Variants in ZNF469 observed in about 807,000 individuals in gnomAD.
ZNF469 encodes the protein zinc finger protein 469.
ZNF469 carries 1 observed loss-of-function variant against 1.0 expected under a neutral mutation model. The ratio of observed to expected loss-of-function variants is 1.00; its 90% CI spans 0.35 to 4.73. The LOEUF is 4.73. Among genes scored for constraint, ZNF469 ranks in the 30% most tolerant of loss-of-function variants. The pLI, the probability that ZNF469 is intolerant of heterozygous loss-of-function variation, is 0.16. For missense variants in ZNF469, 6,100 were observed against 5,356.3 expected (o/e 1.14, Z -4.33); for synonymous variants, 2,703 against 2,363.4 (o/e 1.14, Z -4.17).
intron 1 of ZNF469, among the ~76,000 whole-genome samples, chr16:88,421,221 C>G (rs1450708034): frequency 6.6e-6 from 1 of 152,186 alleles, no homozygotes; most frequent in African/African-American, 2.4e-5. Flanking sequence ...CCCCCACACC[C>G]CCAGCCAGAG....
chr16:88,124,564 A>G, the ZNF469 span, among the ~76,000 whole-genome samples: 2 of 143,558 alleles, frequency 1.4e-5, no homozygotes, highest in African/African-American at 2.6e-5. Context: ...TTGGAATAAT[A>G]GAAGTGTTTT....
chr16:88,159,699 C>T, the ZNF469 span, among the ~76,000 whole-genome samples: 1 of 152,272 alleles, frequency 6.6e-6, no homozygotes, highest in South Asian at 2.1e-4. Flanking sequence ...ACTTTCCTAT[C>T]ATTTAAAATT....
At chr16:88,126,137 C>T in the ZNF469 span, among the ~76,000 whole-genome samples, 2 of 138,234 alleles carry the variant, frequency 1.4e-5, no homozygotes, top group Admixed American at 8.3e-5. Context: ...TGCAGTGAGC[C>T]GAGATTGCAC....
the ZNF469 span, among the ~76,000 whole-genome samples, chr16:88,152,686 T>A: frequency 6.6e-6 from 1 of 152,172 alleles, no homozygotes; most frequent in Non-Finnish European, 1.5e-5. This position sits in a 1 kb window ranked among gnomAD's most constrained non-coding sequence, Gnocchi z 4.2. Context: ...TTTTTTTTAA[T>A]GTAAGAATTA....
At chr16:88,198,942 C>T in the ZNF469 span, among the ~76,000 whole-genome samples, 1 of 152,214 alleles carries the variant, frequency 6.6e-6, no homozygotes, top group South Asian at 2.1e-4. Context: ...TCCAGGGCGG[C>T]TGCTTGACAA....
intron 1 of ZNF469, among the ~76,000 whole-genome samples, chr16:88,403,350 T>G (rs975618455): frequency 2.0e-5 from 3 of 152,230 alleles, no homozygotes; most frequent in African/African-American, 7.2e-5. Flanking sequence ...CTGCGTGGGT[T>G]TGGTGGCTCT....
chr16:88,119,216 G>A, the ZNF469 span, among the ~76,000 whole-genome samples: 16 of 152,266 alleles, frequency 1.1e-4, no homozygotes, highest in Non-Finnish European at 1.6e-4. Flanking sequence ...CAGCCGAGGC[G>A]GTCTCACGGT....
the ZNF469 span, among the ~76,000 whole-genome samples, chr16:88,236,167 G>A: frequency 6.6e-6 from 1 of 152,218 alleles, no homozygotes; most frequent in South Asian, 2.1e-4. Context: ...TTTGAAATGT[G>A]CTAGATGCTA....
chr16:88,113,598 T>C, the ZNF469 span, among the ~76,000 whole-genome samples: 2 of 152,170 alleles, frequency 1.3e-5, no homozygotes, highest in East Asian at 1.9e-4. Context: ...GCCATGCTTT[T>C]TGGGTCTCAG....
chr16:88,198,910 C>T, the ZNF469 span, among the ~76,000 whole-genome samples: 2 of 152,214 alleles, frequency 1.3e-5, no homozygotes, highest in Non-Finnish European at 2.9e-5. Flanking sequence ...GCAAGCCACC[C>T]GAGGCGAGGG....
At chr16:88,152,590 C>T in the ZNF469 span, among the ~76,000 whole-genome samples, 1 of 152,188 alleles carries the variant, frequency 6.6e-6, no homozygotes, top group Non-Finnish European at 1.5e-5. This position sits in a 1 kb window ranked among gnomAD's most constrained non-coding sequence, Gnocchi z 4.2. Flanking sequence ...GTCCTGGCGT[C>T]CACAGGCGGG....
the ZNF469 span, among the ~76,000 whole-genome samples, chr16:88,154,270 G>A: frequency 7.8e-3 from 1,190 of 152,278 alleles, 11 homozygotes; most frequent in Non-Finnish European, 0.011. Flanking sequence ...TGATTCTCCC[G>A]CCTCAGCCTC....
At chr16:88,357,102 G>C in the ZNF469 span, among the ~76,000 whole-genome samples, 1 of 152,228 alleles carries the variant, frequency 6.6e-6, no homozygotes, top group Admixed American at 6.5e-5. Context: ...CCCGGGCCGG[G>C]CTGGCCCTTG....
At chr16:88,282,486 C>T in the ZNF469 span, among the ~76,000 whole-genome samples, 1 of 152,090 alleles carries the variant, frequency 6.6e-6, no homozygotes, top group African/African-American at 2.4e-5. Flanking sequence ...GCCTTTTGAC[C>T]CCCGCTGTGG....
At chr16:88,114,550 C>T in the ZNF469 span, among the ~76,000 whole-genome samples, 6 of 152,318 alleles carry the variant, frequency 3.9e-5, no homozygotes, top group African/African-American at 7.2e-5. Flanking sequence ...AGGGAACGCG[C>T]GGTGCCCAGC....
chr16:88,372,471 C>CATCA, the ZNF469 span, among the ~76,000 whole-genome samples: 2 of 151,392 alleles, frequency 1.3e-5, no homozygotes, highest in African/African-American at 4.9e-5. Context: ...CTACCATTAC[C>CATCA]ATCACCATGA....
chr16:88,292,259 G>T, the ZNF469 span, among the ~76,000 whole-genome samples: 1 of 152,204 alleles, frequency 6.6e-6, no homozygotes, highest in African/African-American at 2.4e-5. Flanking sequence ...CCAGACAGCA[G>T]CCGATGCTTG....
At chr16:88,390,795 C>G (rs1904472800) in intron 1 of ZNF469, among the ~76,000 whole-genome samples, 1 of 152,126 alleles carries the variant, frequency 6.6e-6, no homozygotes, top group Admixed American at 6.5e-5. Flanking sequence ...TGGGAGTTCT[C>G]CAAGCATGCC....
the ZNF469 span, among the ~76,000 whole-genome samples, chr16:88,209,087 T>G: frequency 2.8e-3 from 433 of 152,216 alleles, 2 homozygotes; most frequent in African/African-American, 9.9e-3. Context: ...GCAATCCAAT[T>G]AGAGTCACCT....
Sources: gnomAD v4.1 joint callset for allele counts (sites outside exome capture counted in the v4.1 genomes callset) on GRCh38, gnomAD v4.1.1 for gene constraint, Gnocchi (gnomAD v3.1) non-coding constraint, MANE v1.5 for transcripts, NCBI Gene and HGNC (gene_info 2026-07-23, HGNC 2026-07-21) for gene names.